TAFA4: variants seen among roughly 807,000 people sequenced by gnomAD.
The protein encoded by TAFA4 is chemokine-like protein TAFA-4.
TAFA4 carries 20 observed loss-of-function variants against 21.1 expected under a neutral mutation model. The observed-to-expected ratio is 0.95, with a 90% CI of 0.67 to 1.38. The LOEUF (loss-of-function observed/expected upper bound fraction) is 1.38, where lower values mean the gene tolerates loss of function less well. Ranked by LOEUF, TAFA4 falls within the 40% of genes most tolerant of loss-of-function variation. The probability of loss-of-function intolerance (pLI) is 0.00; values close to 1 mark genes in which losing one functional copy is unlikely to be tolerated. For missense variants in TAFA4, 211 were observed against 180.9 expected (o/e 1.17, Z -0.95); for synonymous variants, 71 against 67.4 (o/e 1.05, Z -0.26).
chr3:68,743,468 C>G (rs559774810), intron 4 of TAFA4, among the ~76,000 whole-genome samples: 1 of 151,028 alleles, frequency 6.6e-6, no homozygotes, highest in Non-Finnish European at 1.5e-5. Context: ...TCCAGCTACT[C>G]AGGAGGCTGA....
chr3:68,790,171 A>G lies in TAFA4; in HGVS notation c.131-37153T>C, dbSNP rs190577305. The stretch of plus-strand genomic sequence containing the variant: ...AAGGGAGGAGGATAAAGAGATGTAT[A>G]TGCTTGTGAGGCTTCTACGTTTTGC... On this transcript the variant is annotated intron_variant, in intron 3 of 5. Coordinates refer to ENST00000295569, the MANE Select transcript of TAFA4 (RefSeq NM_182522.5). Among the ~76,000 whole-genome samples, 415 of 145,122 alleles carry G rather than the reference A, an allele frequency of 2.9e-3. 3 individuals carry two copies. Among genetic ancestry groups the G allele is most frequent in the Middle Eastern group, 0.011 (3 of 278 alleles).
intron 1 of TAFA4, 28 bp from the exon 2 acceptor site, chr3:68,885,338 A>G: frequency 3.2e-6 from 2 of 615,902 alleles, no homozygotes; most frequent in East Asian, 2.8e-5. Context: ...AAAAAAAAAA[A>G]GGAATCAATT....
intron 4 of TAFA4, among the ~76,000 whole-genome samples, chr3:68,748,152 T>C (rs1358153875): frequency 6.6e-6 from 1 of 152,238 alleles, no homozygotes; most frequent in African/African-American, 2.4e-5. Flanking sequence ...AGTCTCCTTA[T>C]CATGCTTCCA....
At chr3:68,880,615 A>T in intron 3 of TAFA4, 115 bp downstream of exon 3, 1 of 768,734 alleles carries the variant, frequency 1.3e-6, no homozygotes, top group Non-Finnish European at 2.2e-6. Context: ...TGCTTCCTCT[A>T]GTTATTTACA....
intron 1 of TAFA4, among the ~76,000 whole-genome samples, chr3:68,925,295 C>T (rs538390000): frequency 6.6e-6 from 1 of 152,146 alleles, no homozygotes; most frequent in Non-Finnish European, 1.5e-5. Context: ...AGCCGAGTTG[C>T]ATAATCAGTT....
chr3:68,763,895 T>C (rs962192370), intron 3 of TAFA4, among the ~76,000 whole-genome samples: 77 of 73,508 alleles, frequency 1.0e-3, no homozygotes, highest in Non-Finnish European at 1.8e-3. Context: ...CACACACACA[T>C]AAGTATGCAT....
In TAFA4 at chr3:68,897,193, C is replaced by T. The variant is rs143496939; in HGVS notation, c.-122-11883G>A. ...CTGGGATTACAGGTGTGAGCCACCA[C>T]GCCTGGCCTAATCTATTGTTTTTCA... On this transcript the variant is annotated intron_variant, in intron 1 of 5. Transcript: ENST00000295569. 2.4e-4 allele frequency among the ~76,000 whole-genome samples: 37 copies of T among 152,218 alleles called. 1 individual carries two copies. Among genetic ancestry groups the T allele is most frequent in the South Asian group, 1.5e-3 (7 of 4,826 alleles).
chr3:68,876,190 TAAATA>T (rs1488033212), intron 3 of TAFA4, among the ~76,000 whole-genome samples: 2 of 152,202 alleles, frequency 1.3e-5, no homozygotes, highest in East Asian at 1.9e-4. Flanking sequence ...TATATTGGGT[TAAATA>T]AAATGTGTTA....
intron 3 of TAFA4, among the ~76,000 whole-genome samples, chr3:68,812,912 C>A (rs1283580931): frequency 1.3e-5 from 2 of 152,092 alleles, no homozygotes; most frequent in Non-Finnish European, 2.9e-5. Flanking sequence ...CAAAATTGAC[C>A]ACATACTTGG....
At position 68,764,834 on chromosome 3, in the gene TAFA4, G is replaced by C. The variant is rs571220510; in HGVS notation, c.131-11816C>G. On this transcript the variant is annotated intron_variant, in intron 3 of 5. Coordinates refer to ENST00000295569, the MANE Select transcript of TAFA4 (RefSeq NM_182522.5). ...AGTACCTTGCTTCTGAGAGAGCATA[G>C]TTGCAAAGACACAGAAAAGAATGCA... 2.0e-5 allele frequency among the ~76,000 whole-genome samples: 3 copies of C among 152,286 alleles called. No homozygotes were observed. The South Asian group carries it at 6.2e-4, about 32-fold the overall frequency.
At chr3:68,889,610 T>G (rs1361602927) in intron 1 of TAFA4, among the ~76,000 whole-genome samples, 1 of 152,154 alleles carries the variant, frequency 6.6e-6, no homozygotes, top group Non-Finnish European at 1.5e-5. Flanking sequence ...CCCCCATCTT[T>G]TCACTCTAAA....
intron 3 of TAFA4, among the ~76,000 whole-genome samples, chr3:68,825,973 TAAAAG>T (rs1214805782): frequency 6.6e-6 from 1 of 152,102 alleles, no homozygotes; most frequent in Non-Finnish European, 1.5e-5. Flanking sequence ...TTTTTCATAA[TAAAAG>T]AAGCCAAACT....
intron 3 of TAFA4, among the ~76,000 whole-genome samples, chr3:68,824,795 C>G (rs1003088700): frequency 2.6e-5 from 4 of 152,132 alleles, no homozygotes; most frequent in African/African-American, 9.7e-5. Context: ...CAGCAAGGGG[C>G]AGAACTAGGA....
intron 4 of TAFA4, among the ~76,000 whole-genome samples, chr3:68,748,955 T>C (rs1702511330): frequency 6.6e-6 from 1 of 152,202 alleles, no homozygotes. Flanking sequence ...TAGAGCAGTA[T>C]TTTCATAAAT....
At position 68,897,890 on chromosome 3, in the gene TAFA4, G is replaced by A. The variant is rs1447451321; in HGVS notation, c.-122-12580C>T. On this transcript the variant is annotated intron_variant, in intron 1 of 5. Transcript: ENST00000295569. ...TCAGGTGAAAGCATTCTTTCCAAAT[G>A]AAAAATGTTACCCAGACTGTACCTC... is the stretch of plus-strand genomic sequence containing the variant. Among the ~76,000 whole-genome samples the A allele has an allele frequency of 2.6e-5, 4 of 152,112 alleles. No individual in the cohort carries two copies. The East Asian group carries it at 5.8e-4, about 22-fold the overall frequency.
At position 68,904,222 on chromosome 3, in the gene TAFA4, A is replaced by C. The variant is rs994500011; in HGVS notation, c.-122-18912T>G. On this transcript the variant is annotated intron_variant, in intron 1 of 5. Coordinates refer to ENST00000295569, the MANE Select transcript of TAFA4 (RefSeq NM_182522.5). ...TCAGAAAGCCTATTTCAAAGCAAGCACCTCTGAAAGTTAGCCCACAATCTA... is the reference window on the plus strand; with the variant it reads ...TCAGAAAGCCTATTTCAAAGCAAGCCCCTCTGAAAGTTAGCCCACAATCTA... 5.3e-5 allele frequency among the ~76,000 whole-genome samples: 8 copies of C among 152,186 alleles called. No homozygotes were observed. The South Asian group carries it at 1.2e-3, about 24-fold the overall frequency.
chr3:68,797,801 C>A (rs1475194446), intron 3 of TAFA4, among the ~76,000 whole-genome samples: 1 of 151,964 alleles, frequency 6.6e-6, no homozygotes, highest in Non-Finnish European at 1.5e-5. Flanking sequence ...GTGACGAATA[C>A]CATCACCCTC....
chr3:68,859,159 T>G (rs2089295225), intron 3 of TAFA4, among the ~76,000 whole-genome samples: 1 of 152,130 alleles, frequency 6.6e-6, no homozygotes, highest in Non-Finnish European at 1.5e-5. Context: ...TTAAACATAA[T>G]CTGAGCCAAA....
intron 3 of TAFA4, among the ~76,000 whole-genome samples, chr3:68,859,416 C>T (rs2089301717): frequency 6.6e-6 from 1 of 152,080 alleles, no homozygotes; most frequent in East Asian, 1.9e-4. Context: ...TTCCTTTGGT[C>T]AGGTAGAAAA....
Sources: gnomAD v4.1 joint callset for allele counts (sites outside exome capture counted in the v4.1 genomes callset) on GRCh38, gnomAD v4.1.1 for gene constraint, MANE v1.5 for transcripts, NCBI Gene and HGNC (gene_info 2026-07-23, HGNC 2026-07-21) for gene names.